Variants in CNTN1 observed in about 807,000 individuals in gnomAD.
CNTN1 encodes contactin 1.
CNTN1 carries 38 observed loss-of-function variants against 126.4 expected under a neutral mutation model. That is an observed-to-expected ratio of 0.30 (90% CI 0.23 to 0.39). The LOEUF is 0.39. CNTN1 is among the 10% of genes least tolerant of loss of function. The pLI is 1.00. For synonymous variants in CNTN1, 413 were observed against 422.6 expected (o/e 0.98, Z 0.28); for missense variants, 1,009 against 1,248.4 (o/e 0.81, Z 2.89).
chr12:41,029,437 G>A (rs921031231), intron 23 of CNTN1, among the ~76,000 whole-genome samples: 4 of 152,196 alleles, frequency 2.6e-5, no homozygotes, highest in Non-Finnish European at 4.4e-5. Flanking sequence ...TTATCTGGAT[G>A]TCAAAGCACA....
At chr12:40,946,012 A>G (rs1193073183) in intron 14 of CNTN1, among the ~76,000 whole-genome samples, 1 of 152,154 alleles carries the variant, frequency 6.6e-6, no homozygotes, top group Non-Finnish European at 1.5e-5. Flanking sequence ...TCAGAATATC[A>G]AATGCACATG....
At chr12:40,979,041 T>C (rs1016289522) in intron 15 of CNTN1, 6 of 152,208 alleles carry the variant, frequency 3.9e-5, no homozygotes, top group African/African-American at 1.4e-4. Flanking sequence ...ATCAAGAATG[T>C]ACACTGTATT....
chr12:41,061,786 G>A (rs1383770510), intron 23 of CNTN1: 1 of 455,900 alleles, frequency 2.2e-6, no homozygotes. Context: ...TCCTTGAGAA[G>A]TAAAACAGCC....
At chr12:40,901,188 C>T (rs1182085916) in intron 1 of CNTN1, among the ~76,000 whole-genome samples, 4 of 152,050 alleles carry the variant, frequency 2.6e-5, no homozygotes, top group African/African-American at 7.2e-5. Flanking sequence ...AGTAATACAG[C>T]CAGGGTTTGA....
In CNTN1 at chr12:40,891,146, T is replaced by C. The variant is rs910194151; in HGVS notation, c.-76-17211T>C. The stretch of plus-strand genomic sequence containing the variant: ...GTTGAGCATCTCTTCATATATTGAT[T>C]TGCCATTTGTTTATCTTCTTTGGTG... On this transcript the variant is annotated intron_variant, in intron 1 of 23. Coordinates refer to ENST00000551295, the MANE Select transcript of CNTN1 (RefSeq NM_001843.4). Among the ~76,000 whole-genome samples the C allele has an allele frequency of 3.3e-5, 5 of 152,210 alleles. No homozygotes were observed. The South Asian group carries it at 1.0e-3, about 32-fold the overall frequency.
intron 23 of CNTN1, among the ~76,000 whole-genome samples, chr12:41,045,207 T>G (rs1949515415): frequency 6.6e-6 from 1 of 152,080 alleles, no homozygotes; most frequent in Non-Finnish European, 1.5e-5. Context: ...TACCTTCTCT[T>G]CTGAAATAAG....
rs1053590899 is a variant in CNTN1, at chr12:41,042,841, T to C, written c.2980+13622T>C. Reference sequence around the variant, plus strand: ...AACAGAACAGAGCCCTCAGAAATAATGCCGCATATCTACAACTATCTGATC... The same window carrying C: ...AACAGAACAGAGCCCTCAGAAATAACGCCGCATATCTACAACTATCTGATC... On this transcript the variant is annotated intron_variant, in intron 23 of 23. Coordinates refer to ENST00000551295, the MANE Select transcript of CNTN1 (RefSeq NM_001843.4). 1.5e-3 allele frequency among the ~76,000 whole-genome samples: 227 copies of C among 151,992 alleles called. 1 individual carries two copies. The highest frequency in any genetic ancestry group is 5.1e-3 in the African/African-American group (213 of 41,464).
At chr12:40,958,159 T>TA (rs1267115327) in intron 14 of CNTN1, among the ~76,000 whole-genome samples, 4 of 152,050 alleles carry the variant, frequency 2.6e-5, no homozygotes, top group Non-Finnish European at 5.9e-5. Context: ...CCTGCTACCA[T>TA]ACAAGCTGAG....
intron 1 of CNTN1, among the ~76,000 whole-genome samples, chr12:40,777,668 T>C (rs1445755482): frequency 2.6e-5 from 4 of 151,946 alleles, no homozygotes; most frequent in South Asian, 4.1e-4. Flanking sequence ...AAATCTGCAT[T>C]GTCTATGCTC....
At chr12:40,874,997 T>G (rs1013340984) in intron 1 of CNTN1, among the ~76,000 whole-genome samples, 1 of 152,156 alleles carries the variant, frequency 6.6e-6, no homozygotes, top group African/African-American at 2.4e-5. Flanking sequence ...GGCCAAGATG[T>G]AGCTGTCTTG....
At chr12:40,734,245 C>A (rs1942565242) in intron 1 of CNTN1, among the ~76,000 whole-genome samples, 1 of 152,060 alleles carries the variant, frequency 6.6e-6, no homozygotes, top group Admixed American at 6.6e-5. Flanking sequence ...AGTTCTCTAG[C>A]TGAGAACATA....
intron 17 of CNTN1, among the ~76,000 whole-genome samples, chr12:41,001,353 C>T (rs1003067902): frequency 5.3e-5 from 8 of 152,064 alleles, no homozygotes; most frequent in Admixed American, 2.0e-4. Flanking sequence ...CTCTAATGAT[C>T]ATTATGTGGA....
intron 1 of CNTN1, 36 bp from the exon 2 acceptor site, chr12:40,908,321 A>C: frequency 1.4e-6 from 1 of 723,558 alleles, no homozygotes; most frequent in Non-Finnish European, 2.4e-6. Context: ...CTTCCTTCTA[A>C]TTCTTTCCTT....
intron 1 of CNTN1, among the ~76,000 whole-genome samples, chr12:40,808,710 G>A (rs970831221): frequency 6.6e-6 from 1 of 152,034 alleles, no homozygotes; most frequent in Admixed American, 6.6e-5. Flanking sequence ...AGCCTTTGAG[G>A]ACAAGAGCTT....
chr12:41,067,689 C>T (rs910418635), intron 23 of CNTN1, among the ~76,000 whole-genome samples: 2 of 150,448 alleles, frequency 1.3e-5, no homozygotes, highest in Non-Finnish European at 3.0e-5. Flanking sequence ...GTGGGTGCAG[C>T]GCACCAGCAT....
intron 1 of CNTN1, among the ~76,000 whole-genome samples, chr12:40,825,067 A>G (rs1941567165): frequency 6.6e-6 from 1 of 152,190 alleles, no homozygotes; most frequent in South Asian, 2.1e-4. Context: ...TGACTGATAC[A>G]TATTTGACTT....
chr12:41,014,182 C>G, intron 17 of CNTN1, 46 bp from the exon 18 acceptor site: 1 of 1,572,046 alleles, frequency 6.4e-7, no homozygotes, highest in Middle Eastern at 1.7e-4. Flanking sequence ...AAAATGCAGG[C>G]CCTCTTTTTG....
intron 1 of CNTN1, among the ~76,000 whole-genome samples, chr12:40,861,492 T>A (rs1943113867): frequency 1.3e-5 from 2 of 152,148 alleles, no homozygotes; most frequent in African/African-American, 4.8e-5. Flanking sequence ...GTAAGTAATT[T>A]CTACTAGTTT....
intron 16 of CNTN1, among the ~76,000 whole-genome samples, chr12:40,992,521 T>C (rs1047609617): frequency 3.3e-5 from 5 of 152,088 alleles, no homozygotes; most frequent in Non-Finnish European, 5.9e-5. Flanking sequence ...ATTCCACCCA[T>C]AATTTATCAT....
Sources: allele counts gnomAD v4.1 joint callset (sites outside exome capture counted in the v4.1 genomes callset), GRCh38; gene constraint gnomAD v4.1.1; transcripts MANE v1.5; gene names NCBI Gene and HGNC (gene_info 2026-07-23, HGNC 2026-07-21).